Variants in LNPEP observed in about 807,000 individuals in gnomAD.
LNPEP encodes leucyl-cystinyl aminopeptidase.
LNPEP carries 64 observed loss-of-function variants against 120.6 expected under a neutral mutation model. That is an observed-to-expected ratio of 0.53 (90% CI 0.43 to 0.65). The LOEUF (loss-of-function observed/expected upper bound fraction) is 0.65. Ranked by LOEUF, LNPEP falls within the 30% of genes least tolerant of loss-of-function variation. The pLI is 0.00. For missense variants in LNPEP, 1,057 were observed against 1,200.0 expected, an observed-to-expected ratio of 0.88 and a Z score of 1.76; for synonymous variants, 435 against 425.4, an observed-to-expected ratio of 1.02 and a Z score of -0.28.
At position 97,006,495 on chromosome 5, in the gene LNPEP, C is replaced by T. The variant is rs868691550; in HGVS notation, c.2015C>T (p.Ser672Leu). 4.5e-6 allele frequency: 7 copies of T among 1,547,152 alleles called. No homozygotes were observed. The highest frequency in any genetic ancestry group is 6.3e-6 in the Non-Finnish European group (7 of 1,119,860). ...AATTATTCAAAATATCAATCGGTAT[C>T]ATTACTGGATAAGAAATCAGGTTTG... is the stretch of plus-strand genomic sequence containing the variant. Reference protein sequence around the residue: ...GRNYSKYQSVSLLDKKSGVIN... With the variant: ...GRNYSKYQSVLLLDKKSGVIN... Residue 672 changes from serine to leucine, a missense_variant, in exon 11 of 18, where the codon TCA (serine) becomes TTA (leucine). Physicochemically the swap from Ser to Leu is moderately radical, Grantham distance 145. Coordinates refer to ENST00000231368, the MANE Select transcript of LNPEP (RefSeq NM_005575.3).
In LNPEP at chr5:96,979,934, T is replaced by C. The variant is rs761508705; in HGVS notation, c.816T>C (p.Tyr272=). The C allele has an allele frequency of 1.2e-6, 2 of 1,610,592 alleles. No individual in the cohort carries two copies. Among genetic ancestry groups the C allele is most frequent in the South Asian group, 2.2e-5 (2 of 90,866 alleles). ...CGGCAAATATATCTAGTTCTTATTA[T>C]GGGTTTTATGGCTTCTCCTACACAG... ...EYSANISSSY[Y]GFYGFSYTDE... is the part of the protein sequence containing the mutation. The change falls in exon 2 of 18, where the codon TAT becomes TAC. Residue 272 remains tyrosine, a synonymous_variant. Coordinates refer to ENST00000231368, the MANE Select transcript of LNPEP (RefSeq NM_005575.3).
At chr5:97,019,448 AATAAT>A (rs1468588931) in intron 13 of LNPEP, among the ~76,000 whole-genome samples, 3 of 152,304 alleles carry the variant, frequency 2.0e-5, no homozygotes, top group African/African-American at 4.8e-5. Flanking sequence ...GGATTTTTCT[AATAAT>A]ATAATTATTC....
At chr5:96,968,048 C>T (rs956977105) in intron 1 of LNPEP, among the ~76,000 whole-genome samples, 47 of 152,128 alleles carry the variant, frequency 3.1e-4, no homozygotes, top group African/African-American at 1.1e-3. Context: ...GAAATGTATC[C>T]GTTATTCTAG....
chr5:97,008,134 GAACAA>G lies in LNPEP; in HGVS notation c.2035+1621_2035+1625del, dbSNP rs1344118161. On this transcript the variant is annotated intron_variant, in intron 11 of 17. Coordinates refer to ENST00000231368, the MANE Select transcript of LNPEP (RefSeq NM_005575.3). Reference sequence around the variant, plus strand: ...AAAGGATAGTCTCTAACCCAAGAGAGAACAAATAACCCCATCTCCCTATATCCTGA... The same window carrying G: ...AAAGGATAGTCTCTAACCCAAGAGAGATAACCCCATCTCCCTATATCCTGA... 3.1e-4 allele frequency among the ~76,000 whole-genome samples: 47 copies of G among 152,194 alleles called. No individual in the cohort carries two copies. The East Asian group carries it at 8.9e-3, about 29-fold the overall frequency.
intron 5 of LNPEP, 72 bp downstream of exon 5, chr5:96,993,207 A>G (rs955307730): frequency 3.2e-5 from 37 of 1,167,458 alleles, no homozygotes; most frequent in Non-Finnish European, 4.0e-5. Context: ...TTTTTTTAGA[A>G]AGAGGTTCTG....
chr5:96,959,940 T>C (rs995572360), intron 1 of LNPEP, among the ~76,000 whole-genome samples: 14 of 147,098 alleles, frequency 9.5e-5, no homozygotes, highest in Non-Finnish European at 1.7e-4. Context: ...TATCTTTTTT[T>C]TTTTTTTTTT....
In LNPEP at chr5:97,030,712, G is replaced by A. The variant is rs1033598444; in HGVS notation, c.*2179G>A. 1 of 148,196 alleles carries A rather than the reference G, an allele frequency of 6.7e-6. No homozygotes were observed. Among genetic ancestry groups the A allele is most frequent in the Non-Finnish European group, 1.5e-5 (1 of 67,224 alleles). 9.2% of individuals were successfully genotyped at this position (148,196 alleles called of 1,614,324 possible). ...TATGAGTAAAACTTTATCAAAACTT[G>A]GCCTGAAAAAGAGATAACTCATGAT... On this transcript the variant is annotated 3_prime_UTR_variant, in exon 18 of 18. Coordinates refer to ENST00000231368, the MANE Select transcript of LNPEP (RefSeq NM_005575.3).
chr5:96,958,628 A>C, intron 1 of LNPEP: 399 of 338,978 alleles, frequency 1.2e-3, no homozygotes, highest in Non-Finnish European at 1.6e-3. Context: ...TACGGATCTC[A>C]TTGGGCTAAA....
intron 2 of LNPEP, among the ~76,000 whole-genome samples, chr5:96,981,655 A>C (rs1429038922): frequency 6.6e-6 from 1 of 152,196 alleles, no homozygotes; most frequent in Non-Finnish European, 1.5e-5. Flanking sequence ...TACTAAGAAC[A>C]TATTTCTTGT....
intron 1 of LNPEP, among the ~76,000 whole-genome samples, chr5:96,954,772 ATTTTTTTTTTT>A (rs1160402498): frequency 5.9e-4 from 16 of 27,108 alleles, no homozygotes; most frequent in Non-Finnish European, 8.1e-4. Context: ...ATATATATAT[ATTTTTTTTTTT>A]TTTTTTTTTT....
At chr5:96,990,595 A>G (rs1210895997) in intron 4 of LNPEP, among the ~76,000 whole-genome samples, 1 of 152,148 alleles carries the variant, frequency 6.6e-6, no homozygotes, top group African/African-American at 2.4e-5. Flanking sequence ...TCTAAGTTCT[A>G]TACATGTATT....
In LNPEP at chr5:96,979,316, T is replaced by C; in HGVS notation, c.198T>C (p.Asp66=). The change falls in exon 2 of 18, where the codon GAT becomes GAC. Residue 66 remains aspartate, a synonymous_variant. Coordinates refer to ENST00000231368, the MANE Select transcript of LNPEP (RefSeq NM_005575.3). ...TTGGTGAGCATGAGATGGAGGAGGATGAAGAGGATTATGAGTCATCAGCAA... is the reference window on the plus strand; with the variant it reads ...TTGGTGAGCATGAGATGGAGGAGGACGAAGAGGATTATGAGTCATCAGCAA... The part of the protein sequence containing the change: ...RGLGEHEMEE[D]EEDYESSAKL... 6.2e-7 allele frequency: 1 copy of C among 1,613,960 alleles called. No individual in the cohort carries two copies. The highest frequency in any genetic ancestry group is 8.5e-7 in the Non-Finnish European group (1 of 1,179,930).
chr5:96,941,670 G>A (rs1440041285), intron 1 of LNPEP, among the ~76,000 whole-genome samples: 1 of 152,070 alleles, frequency 6.6e-6, no homozygotes, highest in African/African-American at 2.4e-5. Context: ...TGGTGTTTCT[G>A]GACAGTAAAT....
intron 7 of LNPEP, 36 bp from the exon 8 acceptor site, chr5:96,997,978 T>A (rs1790554941): frequency 7.1e-7 from 1 of 1,416,082 alleles, no homozygotes; most frequent in Non-Finnish European, 9.7e-7. Flanking sequence ...CATTTGATAC[T>A]ACTTGTGATA....
At chr5:97,018,724 G>A (rs1297525747) in intron 13 of LNPEP, among the ~76,000 whole-genome samples, 1 of 152,168 alleles carries the variant, frequency 6.6e-6, no homozygotes, top group Non-Finnish European at 1.5e-5. Flanking sequence ...ACGTTCAAAT[G>A]TATTACTGTC....
At chr5:97,014,395 T>C (rs1406322012) in intron 12 of LNPEP, among the ~76,000 whole-genome samples, 1 of 152,186 alleles carries the variant, frequency 6.6e-6, no homozygotes, top group African/African-American at 2.4e-5. Context: ...CATTTCCATT[T>C]TGTCTCGTTT....
At chr5:96,970,046 CAA>C (rs908098383) in intron 1 of LNPEP, among the ~76,000 whole-genome samples, 1 of 151,756 alleles carries the variant, frequency 6.6e-6, no homozygotes, top group African/African-American at 2.4e-5. Flanking sequence ...GTTTAGAGAA[CAA>C]AGTCTCTAAA....
chr5:96,991,160 A>T (rs1354588930), intron 4 of LNPEP, among the ~76,000 whole-genome samples: 1 of 152,124 alleles, frequency 6.6e-6, no homozygotes, highest in Non-Finnish European at 1.5e-5. Flanking sequence ...CATACATACG[A>T]TGTCTGGTTT....
chr5:97,002,116 G>C (rs1790668292), intron 8 of LNPEP, among the ~76,000 whole-genome samples: 1 of 152,098 alleles, frequency 6.6e-6, no homozygotes, highest in African/African-American at 2.4e-5. Context: ...TCCAGCCTGG[G>C]TGACAAGAGT....
Sources: allele counts gnomAD v4.1 joint callset (sites outside exome capture counted in the v4.1 genomes callset), GRCh38; gene constraint gnomAD v4.1.1; transcripts MANE v1.5; gene names NCBI Gene and HGNC (gene_info 2026-07-23, HGNC 2026-07-21).